Variants in ZRANB3 observed in about 807,000 individuals in gnomAD.
ZRANB3 encodes the protein zinc finger RANBP2-type containing 3.
A neutral mutation model predicts 133.8 loss-of-function variants in ZRANB3; 125 were observed. The observed-to-expected ratio is 0.93, with a 90% confidence interval of 0.81 to 1.08. The LOEUF (loss-of-function observed/expected upper bound fraction) is 1.08, where lower values mean the gene tolerates loss of function less well. Among genes scored for constraint, ZRANB3 ranks in the 50% least tolerant of loss-of-function variants. ZRANB3 has a pLI of 0.00. For missense variants in ZRANB3, 1,229 were observed against 1,275.5 expected, an observed-to-expected ratio of 0.96 and a Z score of 0.56; for synonymous variants, 387 against 432.7, an observed-to-expected ratio of 0.89 and a Z score of 1.31.
chr2:135,337,835 T>A (rs1684435943), intron 6 of ZRANB3, among the ~76,000 whole-genome samples: 1 of 152,216 alleles, frequency 6.6e-6, no homozygotes, highest in African/African-American at 2.4e-5. Context: ...GTAAAATAAA[T>A]GTAACAGTGT....
chr2:135,323,966 G>A (rs184351566), intron 6 of ZRANB3, among the ~76,000 whole-genome samples: 8 of 152,034 alleles, frequency 5.3e-5, no homozygotes, highest in Non-Finnish European at 8.8e-5. Flanking sequence ...ATGGGGTTTC[G>A]CCATGTTGGT....
intron 3 of ZRANB3, among the ~76,000 whole-genome samples, 193 bp downstream of exon 3, chr2:135,390,609 A>AACAC (rs199759650): frequency 1.3e-5 from 2 of 150,802 alleles, no homozygotes; most frequent in South Asian, 2.1e-4. Flanking sequence ...ATGTCTAGAA[A>AACAC]ACACACACAC....
At chr2:135,269,967 G>A (rs1412272702) in intron 10 of ZRANB3, among the ~76,000 whole-genome samples, 3 of 152,104 alleles carry the variant, frequency 2.0e-5, no homozygotes, top group African/African-American at 7.2e-5. Context: ...AAACTCCTAT[G>A]AGTGACTTTT....
At chr2:135,385,040 G>C (rs1686900931) in intron 3 of ZRANB3, among the ~76,000 whole-genome samples, 1 of 152,164 alleles carries the variant, frequency 6.6e-6, no homozygotes, top group African/African-American at 2.4e-5. Context: ...AATAGGAAAA[G>C]AGGAAGTCAA....
At chr2:135,500,567 G>A (rs1282932996) in intron 2 of ZRANB3, among the ~76,000 whole-genome samples, 1 of 151,928 alleles carries the variant, frequency 6.6e-6, no homozygotes, top group African/African-American at 2.4e-5. Flanking sequence ...AATCTATAAC[G>A]TTAGAAGTCA....
At chr2:135,481,138 G>T (rs1691782726) in intron 2 of ZRANB3, among the ~76,000 whole-genome samples, 1 of 151,540 alleles carries the variant, frequency 6.6e-6, no homozygotes, top group South Asian at 2.1e-4. Flanking sequence ...CCAGTAATGG[G>T]ATGGCTGGGT....
rs913502976 is a variant in ZRANB3 at position 135,198,903 on chromosome 2, A to T, written c.*1439T>A. ...CAAGTCCTTTATGTTGTAAAACACT[A>T]GCTATTAATTAACGTGGGAAAATGC... is the stretch of plus-strand genomic sequence containing the variant. On this transcript the variant is annotated 3_prime_UTR_variant, in exon 21 of 21. Coordinates refer to ENST00000264159, the MANE Select transcript of ZRANB3 (RefSeq NM_032143.4). 2 of 152,216 alleles carry T rather than the reference A, an allele frequency of 1.3e-5. No individual in the cohort carries two copies. Among genetic ancestry groups the T allele is most frequent in the African/African-American group, 4.8e-5 (2 of 41,446 alleles). The allele number at this position is 152,216 out of a possible 1,614,324, so 9.4% of individuals were successfully genotyped here. A position where few individuals can be genotyped will look rare whatever the true frequency, so the allele number is the denominator to read the frequency against.
chr2:135,304,914 T>C (rs1682604969), intron 8 of ZRANB3, among the ~76,000 whole-genome samples: 2 of 150,558 alleles, frequency 1.3e-5, no homozygotes, highest in African/African-American at 5.0e-5. Flanking sequence ...TAAATTACTT[T>C]CTTCTCTATT....
intron 8 of ZRANB3, among the ~76,000 whole-genome samples, chr2:135,307,529 A>G (rs1174169019): frequency 6.6e-6 from 1 of 152,148 alleles, no homozygotes; most frequent in African/African-American, 2.4e-5. Flanking sequence ...ATGCTTTAAC[A>G]TATTATTCAT....
chr2:135,412,930 G>A (rs550961695), intron 2 of ZRANB3, among the ~76,000 whole-genome samples: 12 of 151,958 alleles, frequency 7.9e-5, no homozygotes, highest in African/African-American at 2.7e-4. Flanking sequence ...GAATACACAA[G>A]GATTTATTTG....
intron 8 of ZRANB3, among the ~76,000 whole-genome samples, chr2:135,297,986 T>C (rs1156851598): frequency 1.3e-5 from 2 of 152,190 alleles, no homozygotes; most frequent in Non-Finnish European, 2.9e-5. Context: ...CCCAGCCCTT[T>C]ACAGAGCTGA....
At chr2:135,260,889 C>A (rs902043718) in intron 12 of ZRANB3, among the ~76,000 whole-genome samples, 2 of 144,248 alleles carry the variant, frequency 1.4e-5, no homozygotes, top group African/African-American at 5.1e-5. Context: ...ACTATATATA[C>A]ACTTGACATA....
chr2:135,200,758 T>G (rs1693587616), intron 20 of ZRANB3, among the ~76,000 whole-genome samples: 1 of 138,642 alleles, frequency 7.2e-6, no homozygotes, highest in Non-Finnish European at 1.5e-5. Context: ...GGGAGGTTTT[T>G]TTTTTTTTTT....
chr2:135,325,857 T>G (rs1258567052), intron 6 of ZRANB3, among the ~76,000 whole-genome samples: 1 of 152,168 alleles, frequency 6.6e-6, no homozygotes, highest in East Asian at 1.9e-4. Context: ...CAAAGGAGAA[T>G]TGTCTCCAAA....
intron 2 of ZRANB3, among the ~76,000 whole-genome samples, chr2:135,401,355 TTTATGTG>T (rs1687721950): frequency 6.6e-6 from 1 of 152,228 alleles, no homozygotes; most frequent in African/African-American, 2.4e-5. Context: ...TGATGTGATC[TTTATGTG>T]ATGAAGATGG....
At chr2:135,275,339 G>A (rs963371129) in intron 9 of ZRANB3, among the ~76,000 whole-genome samples, 48 of 100,450 alleles carry the variant, frequency 4.8e-4, no homozygotes, top group South Asian at 9.3e-4. Context: ...CTGGCCAGGC[G>A]GGGGCTGACC....
chr2:135,415,578 A>G (rs1017478595), intron 2 of ZRANB3, among the ~76,000 whole-genome samples: 15 of 152,242 alleles, frequency 9.9e-5, no homozygotes, highest in Non-Finnish European at 1.5e-4. Flanking sequence ...ATCAATAAAA[A>G]AAGAGGGAAT....
chr2:135,445,400 C>T (rs764862538), intron 2 of ZRANB3, among the ~76,000 whole-genome samples: 1 of 151,370 alleles, frequency 6.6e-6, no homozygotes, highest in Non-Finnish European at 1.5e-5. Context: ...GCCAAGATGG[C>T]TCACTGCACT....
At chr2:135,291,702 G>A (rs528841507) in intron 8 of ZRANB3, among the ~76,000 whole-genome samples, 87 of 151,512 alleles carry the variant, frequency 5.7e-4, no homozygotes, top group Middle Eastern at 3.4e-3. Context: ...CCATTAACTC[G>A]TCATTTAACA....
Sources: allele counts gnomAD v4.1 joint callset (sites outside exome capture counted in the v4.1 genomes callset), GRCh38; gene constraint gnomAD v4.1.1; transcripts MANE v1.5; gene names NCBI Gene and HGNC (gene_info 2026-07-23, HGNC 2026-07-21).